SNX29: variants seen among roughly 807,000 people sequenced by gnomAD.
The protein encoded by SNX29 is sorting nexin 29.
A neutral mutation model predicts 102.1 loss-of-function variants in SNX29; 78 were observed. That is an observed-to-expected ratio of 0.76 (90% CI 0.64 to 0.92). SNX29 has a LOEUF of 0.92. SNX29 is among the 40% of genes least tolerant of loss of function. The probability of loss-of-function intolerance (pLI) is 0.00; values close to 1 mark genes in which losing one functional copy is unlikely to be tolerated. For missense variants in SNX29, 1,280 were observed against 1,061.7 expected (o/e 1.21, Z -2.86); for synonymous variants, 580 against 414.5 (o/e 1.40, Z -4.85).
intron 15 of SNX29, among the ~76,000 whole-genome samples, chr16:12,317,778 A>G (rs115826836): frequency 0.011 from 1,631 of 152,332 alleles, 22 homozygotes; most frequent in African/African-American, 0.037. Flanking sequence ...GACCCTGGAT[A>G]TGTTCCCTAA....
chr16:12,550,765 G>C (rs942019879), intron 20 of SNX29, among the ~76,000 whole-genome samples: 6 of 150,608 alleles, frequency 4.0e-5, no homozygotes, highest in African/African-American at 1.5e-4. Context: ...AGTTGAAAAA[G>C]TGTAGAGGCT....
At chr16:12,191,767 AG>A (rs2076648553) in intron 13 of SNX29, among the ~76,000 whole-genome samples, 1 of 82,986 alleles carries the variant, frequency 1.2e-5, no homozygotes, top group Non-Finnish European at 3.4e-5. Flanking sequence ...TTGAAGATTT[AG>A]GATGTGGCTG....
Position 12,057,800 on chromosome 16 carries a change from CATATAT to C in SNX29, c.1125-3719_1125-3714del, listed in dbSNP as rs1217254395. ...ATGAGTACATATATACATACATATA[CATATAT>C]ATATATATTTTATATATATATTTTT... is the stretch of plus-strand genomic sequence containing the variant. On this transcript the variant is annotated intron_variant, in intron 8 of 20. Transcript: ENST00000566228. Among the ~76,000 whole-genome samples the C allele has an allele frequency of 1.1e-4, 16 of 146,664 alleles. No individual in the cohort carries two copies. In the East Asian group the frequency reaches 1.4e-3, roughly 13 times the overall value.
intron 3 of SNX29, among the ~76,000 whole-genome samples, chr16:12,025,496 A>G (rs1337781053): frequency 6.6e-6 from 1 of 152,142 alleles, no homozygotes; most frequent in Non-Finnish European, 1.5e-5. Flanking sequence ...CACATTATAT[A>G]CCAGGTGCTG....
intron 20 of SNX29, among the ~76,000 whole-genome samples, chr16:12,550,045 G>A (rs919733430): frequency 6.6e-6 from 1 of 152,298 alleles, no homozygotes; most frequent in East Asian, 1.9e-4. Flanking sequence ...TGCCTCCCTG[G>A]AGCCTAGTAT....
intron 3 of SNX29, among the ~76,000 whole-genome samples, chr16:12,011,821 CT>C (rs1378249707): frequency 8.5e-5 from 13 of 152,076 alleles, no homozygotes; most frequent in African/African-American, 2.9e-4. Context: ...GACTTAGCTC[CT>C]TTAAACCTCG....
intron 20 of SNX29, among the ~76,000 whole-genome samples, chr16:12,538,199 T>C (rs1254272519): frequency 7.2e-5 from 11 of 152,106 alleles, no homozygotes; most frequent in Non-Finnish European, 7.4e-5. Flanking sequence ...CACCGCAAGC[T>C]CTGTGTTCTG....
At chr16:11,992,306 T>C (rs1228730893) in intron 1 of SNX29, among the ~76,000 whole-genome samples, 1 of 152,090 alleles carries the variant, frequency 6.6e-6, no homozygotes, top group Non-Finnish European at 1.5e-5. Flanking sequence ...AAATTTTTTT[T>C]TTTAATTGAG....
chr16:12,080,816 C>T (rs1481890827), intron 11 of SNX29, among the ~76,000 whole-genome samples: 1 of 151,976 alleles, frequency 6.6e-6, no homozygotes, highest in African/African-American at 2.4e-5. Context: ...GTCAGCCTCC[C>T]AAGTAGCTGG....
intron 3 of SNX29, among the ~76,000 whole-genome samples, chr16:12,021,759 GCCCGTGGCTGTAAT>G (rs993251568): frequency 6.6e-6 from 1 of 152,040 alleles, no homozygotes; most frequent in African/African-American, 2.4e-5. Context: ...GGACGTGGTG[GCCCGTGGCTGTAAT>G]CCCAGCTACT....
rs751996084 is a variant in SNX29 at position 12,568,558 on chromosome 16, C to CGCT, written c.2372_2374dup (p.Arg791_Phe792insCys). The CGCT allele has an allele frequency of 1.2e-6, 2 of 1,609,378 alleles. No homozygotes were observed. The highest frequency in any genetic ancestry group is 3.3e-5 in the Admixed American group (2 of 60,024). On this transcript the variant is annotated inframe_insertion, in exon 21 of 21. Coordinates refer to ENST00000566228, the MANE Select transcript of SNX29 (RefSeq NM_032167.5). ...GAACAGCCGGCCCAAAGCAGCTTCC[C>CGCT]GCTTCCCCAAACTGTCCCGGGGTCA... is the stretch of plus-strand genomic sequence containing the variant.
intron 13 of SNX29, among the ~76,000 whole-genome samples, chr16:12,177,501 T>G (rs1480841097): frequency 6.6e-6 from 1 of 151,988 alleles, no homozygotes; most frequent in African/African-American, 2.4e-5. Context: ...GTGTAGGTCT[T>G]AATGAAAGTT....
At chr16:12,546,089 C>G (rs549398371) in intron 20 of SNX29, among the ~76,000 whole-genome samples, 1 of 152,184 alleles carries the variant, frequency 6.6e-6, no homozygotes, top group Non-Finnish European at 1.5e-5. Context: ...CAGTCTCTCA[C>G]TTCACTGTGT....
At chr16:12,167,060 G>A (rs1333643441) in intron 13 of SNX29, among the ~76,000 whole-genome samples, 1 of 152,102 alleles carries the variant, frequency 6.6e-6, no homozygotes, top group Non-Finnish European at 1.5e-5. Flanking sequence ...TGTCTTTTTT[G>A]CTTCCAAAGG....
intron 19 of SNX29, among the ~76,000 whole-genome samples, chr16:12,517,978 A>G (rs1035982595): frequency 6.6e-6 from 1 of 151,992 alleles, no homozygotes; most frequent in Non-Finnish European, 1.5e-5. Flanking sequence ...AACATATTAC[A>G]ATGTTGGTGA....
intron 19 of SNX29, among the ~76,000 whole-genome samples, chr16:12,491,112 T>C (rs1293377926): frequency 6.6e-6 from 1 of 152,282 alleles, no homozygotes; most frequent in Non-Finnish European, 1.5e-5. Flanking sequence ...CATTAACTGC[T>C]ACACTTGCCG....
chr16:12,091,534 C>T (rs529933626), intron 11 of SNX29, among the ~76,000 whole-genome samples: 1 of 150,870 alleles, frequency 6.6e-6, no homozygotes, highest in Non-Finnish European at 1.5e-5. Flanking sequence ...TGCCTGCAAT[C>T]CCAGCACTTT....
At chr16:12,009,260 C>T (rs2056564403) in intron 3 of SNX29, among the ~76,000 whole-genome samples, 1 of 151,964 alleles carries the variant, frequency 6.6e-6, no homozygotes, top group Non-Finnish European at 1.5e-5. Flanking sequence ...AGTAATGTTT[C>T]GAGTAGAGAC....
Position 12,184,207 on chromosome 16 carries a change from C to G in SNX29, c.1596-15394C>G, listed in dbSNP as rs1039862133. On this transcript the variant is annotated intron_variant, in intron 13 of 20. Transcript: ENST00000566228. Reference sequence around the variant, plus strand: ...CTGGAGAAAAAGGACAGTAACTCCACAGTATCTAACATACGGTTCATATTC... The same window carrying G: ...CTGGAGAAAAAGGACAGTAACTCCAGAGTATCTAACATACGGTTCATATTC... Among the ~76,000 whole-genome samples the G allele has an allele frequency of 2.6e-4, 39 of 152,326 alleles. 1 individual carries two copies. Among genetic ancestry groups the G allele is most frequent in the Admixed American group, 2.3e-3 (35 of 15,302 alleles).
Sources: gnomAD v4.1 joint callset for allele counts (sites outside exome capture counted in the v4.1 genomes callset) on GRCh38, gnomAD v4.1.1 for gene constraint, MANE v1.5 for transcripts, NCBI Gene and HGNC (gene_info 2026-07-23, HGNC 2026-07-21) for gene names.